ELP3: variants seen among roughly 807,000 people sequenced by gnomAD.
ELP3 encodes elongator acetyltransferase complex subunit 3, also known as elongator complex protein 3.
A neutral mutation model predicts 74.9 loss-of-function variants in ELP3; 56 were observed. That is an observed-to-expected ratio of 0.75 (90% confidence interval 0.60 to 0.93). The LOEUF is 0.93. Ranked by LOEUF, ELP3 falls within the 40% of genes least tolerant of loss-of-function variation. The pLI is 0.00. For synonymous variants in ELP3, 222 were observed against 239.8 expected (o/e 0.93, Z 0.68); for missense variants, 573 against 686.5 (o/e 0.83, Z 1.85).
rs1386048918 is a variant in ELP3 at position 28,099,945 on chromosome 8, AC to A, written c.240del (p.Ile81SerfsTer12). On this transcript the variant is annotated frameshift_variant, in exon 3 of 15. Transcript: ENST00000256398. LOFTEE classifies it high-confidence loss of function. Reference protein sequence around the residue: ...KVLMPKLKAKPIRTASGIAVV... With the variant: ...KVLMPKLKAKXIRTASGIAVV... Reference sequence around the variant, plus strand: ...TCTTGATGCCCAAGTTAAAGGCGAAACCCATCAGAACTGCTAGTGGGGTGAG... The same window carrying A: ...TCTTGATGCCCAAGTTAAAGGCGAAACCATCAGAACTGCTAGTGGGGTGAG... 11 of 1,614,162 alleles carry A rather than the reference AC, an allele frequency of 6.8e-6. No individual in the cohort carries two copies.
rs1326102035 is a variant in ELP3 at position 28,187,911 on chromosome 8, C to T, written c.1568-1738C>T. 2.0e-5 allele frequency among the ~76,000 whole-genome samples: 3 copies of T among 152,308 alleles called. No individual in the cohort carries two copies. In the East Asian group the frequency reaches 5.8e-4, roughly 29 times the overall value. On this transcript the variant is annotated intron_variant, in intron 14 of 14. Transcript: ENST00000256398. ...CAGATTTAGGGGTTGCCAGTGTATA[C>T]ATAGGTTTACGCTCAGTGTCACAGG...
At chr8:28,123,501 G>C (rs1014050613) in intron 7 of ELP3, among the ~76,000 whole-genome samples, 4 of 152,152 alleles carry the variant, frequency 2.6e-5, no homozygotes, top group Admixed American at 2.6e-4. Context: ...CTCAGTTGCT[G>C]GGTGTCATGT....
intron 10 of ELP3, among the ~76,000 whole-genome samples, chr8:28,140,114 T>TTGTGTGTGTG (rs56981709): frequency 4.0e-3 from 568 of 143,776 alleles, no homozygotes; most frequent in African/African-American, 0.013. Context: ...TGTACATATT[T>TTGTGTGTGTG]TGTGTGTGTG....
intron 14 of ELP3, among the ~76,000 whole-genome samples, chr8:28,179,610 G>C (rs1372719024): frequency 6.6e-6 from 1 of 152,138 alleles, no homozygotes; most frequent in African/African-American, 2.4e-5. Flanking sequence ...ATAATTATAT[G>C]AATCAGTGGG....
At chr8:28,173,575 C>CA (rs1243800268) in intron 14 of ELP3, among the ~76,000 whole-genome samples, 1 of 144,914 alleles carries the variant, frequency 6.9e-6, no homozygotes, top group African/African-American at 2.5e-5. Context: ...AATTCTCTAT[C>CA]TTCACTCTAA....
At chr8:28,143,471 A>G (rs1227736088) in intron 10 of ELP3, among the ~76,000 whole-genome samples, 2 of 152,206 alleles carry the variant, frequency 1.3e-5, no homozygotes, top group African/African-American at 4.8e-5. Flanking sequence ...TTTCCTTACA[A>G]AGTTGGAGTG....
At chr8:28,175,810 C>CT (rs56901616) in intron 14 of ELP3, among the ~76,000 whole-genome samples, 54,844 of 78,578 alleles carry the variant, frequency 0.7, 16,577 homozygotes, top group South Asian at 0.81. Context: ...TGTCTAGTGA[C>CT]TTTTTTTTTT....
intron 14 of ELP3, among the ~76,000 whole-genome samples, chr8:28,182,504 T>G (rs1218775489): frequency 6.6e-6 from 1 of 152,162 alleles, no homozygotes; most frequent in Non-Finnish European, 1.5e-5. Flanking sequence ...GAGGTTGCAG[T>G]GAGCCGAGAT....
chr8:28,127,385 G>A lies in ELP3; in HGVS notation c.618-2117G>A, dbSNP rs553382853. 6.2e-4 allele frequency among the ~76,000 whole-genome samples: 94 copies of A among 152,194 alleles called. 2 individuals carry two copies. In the South Asian group the frequency reaches 0.019, roughly 31 times the overall value. On this transcript the variant is annotated intron_variant, in intron 7 of 14. Coordinates refer to ENST00000256398, the MANE Select transcript of ELP3 (RefSeq NM_018091.6). ...AATGGTATCACTTTTAAGAAATACT[G>A]CAGGTTTTTTAAAAATACCAGTTGG...
intron 7 of ELP3, among the ~76,000 whole-genome samples, chr8:28,115,204 G>A (rs1300028910): frequency 5.3e-5 from 8 of 152,024 alleles, no homozygotes; most frequent in South Asian, 4.2e-4. Context: ...TGGAGATGTC[G>A]GTGGGCTCTG....
At chr8:28,158,088 A>G (rs1476180243) in intron 11 of ELP3, among the ~76,000 whole-genome samples, 1 of 145,118 alleles carries the variant, frequency 6.9e-6, no homozygotes, top group East Asian at 2.2e-4. Context: ...TCAACATGTA[A>G]TTTTTGGATA....
intron 7 of ELP3, among the ~76,000 whole-genome samples, chr8:28,120,566 A>G (rs902474788): frequency 6.6e-6 from 1 of 152,200 alleles, no homozygotes; most frequent in Non-Finnish European, 1.5e-5. Context: ...AGAATTTAGC[A>G]GTTGTTTTCT....
In ELP3 at chr8:28,098,624, A is replaced by G. The variant is rs533401470; in HGVS notation, c.120-1204A>G. Reference sequence around the variant, plus strand: ...TCGTCCTTAAAACTCGCCCCTCCTCAGATGTCACCAGCCTATTACTGGAAG... The same window carrying G: ...TCGTCCTTAAAACTCGCCCCTCCTCGGATGTCACCAGCCTATTACTGGAAG... On this transcript the variant is annotated intron_variant, in intron 2 of 14. Coordinates refer to ENST00000256398, the MANE Select transcript of ELP3 (RefSeq NM_018091.6). Among the ~76,000 whole-genome samples, 5 of 152,300 alleles carry G rather than the reference A, an allele frequency of 3.3e-5. No individual in the cohort carries two copies. In the East Asian group the frequency reaches 9.6e-4, roughly 29 times the overall value.
rs369481793 is a variant in ELP3, at chr8:28,101,723, G to A, written c.258+1757G>A. The stretch of plus-strand genomic sequence containing the variant: ...TTGTGCCTCAGCCTCCCAAGGAGCT[G>A]GGATTACAGGCATGTGCCACAATGC... On this transcript the variant is annotated intron_variant, in intron 3 of 14. Coordinates refer to ENST00000256398, the MANE Select transcript of ELP3 (RefSeq NM_018091.6). Among the ~76,000 whole-genome samples the A allele has an allele frequency of 5.3e-5, 8 of 152,160 alleles. No individual in the cohort carries two copies. The East Asian group carries it at 1.5e-3, about 29-fold the overall frequency.
Position 28,147,663 on chromosome 8 carries a change from A to G in ELP3, c.1101-8279A>G, listed in dbSNP as rs1410561102. ...TGTGTGTGTATGTGTGTATGCATGC[A>G]TATATTTCTTAGTAGTATGTACTGA... On this transcript the variant is annotated intron_variant, in intron 10 of 14. Coordinates refer to ENST00000256398, the MANE Select transcript of ELP3 (RefSeq NM_018091.6). The surrounding 1 kb of genome is among the most constrained non-coding windows in gnomAD (Gnocchi z 4.5). Among the ~76,000 whole-genome samples the G allele has an allele frequency of 6.6e-6, 1 of 152,188 alleles. No homozygotes were observed. Among genetic ancestry groups the G allele is most frequent in the African/African-American group, 2.4e-5 (1 of 41,450 alleles).
At chr8:28,119,573 TATATATATATA>T (rs1812276320) in intron 7 of ELP3, among the ~76,000 whole-genome samples, 2 of 190 alleles carry the variant, frequency 0.011, no homozygotes, top group Non-Finnish European at 0.025. Context: ...TGTGGCGTTT[TATATATATATA>T]TATATATATA....
intron 10 of ELP3, among the ~76,000 whole-genome samples, chr8:28,138,247 G>A (rs879511044): frequency 6.6e-6 from 1 of 152,088 alleles, no homozygotes; most frequent in Non-Finnish European, 1.5e-5. Flanking sequence ...GTGGCCGTGT[G>A]TGCAATCTCT....
At chr8:28,090,903 CCT>C (rs1491294008), upstream of ELP3, among the ~76,000 whole-genome samples, 367 of 53,142 alleles carry the variant, frequency 6.9e-3, 21 homozygotes, top group East Asian at 0.049. Context: ...GTAAATGTTT[CCT>C]TTTTTTTTTT....
chr8:28,186,547 C>T (rs1003616846), intron 14 of ELP3, among the ~76,000 whole-genome samples: 3 of 152,124 alleles, frequency 2.0e-5, no homozygotes, highest in Non-Finnish European at 4.4e-5. Flanking sequence ...AGTCCATTTT[C>T]GATTGCTTAT....
Sources: gnomAD v4.1 joint callset for allele counts (sites outside exome capture counted in the v4.1 genomes callset) on GRCh38, gnomAD v4.1.1 for gene constraint, Gnocchi (gnomAD v3.1) non-coding constraint, MANE v1.5 for transcripts, NCBI Gene and HGNC (gene_info 2026-07-23, HGNC 2026-07-21) for gene names.